Variants in ANKRD30B observed in about 807,000 individuals in gnomAD.
ANKRD30B encodes ankyrin repeat domain 30B, also known as ankyrin repeat domain-containing protein 30B.
A neutral mutation model predicts 202.2 loss-of-function variants in ANKRD30B; 144 were observed. The ratio of observed to expected loss-of-function variants is 0.71; its 90% confidence interval spans 0.62 to 0.82. ANKRD30B has a LOEUF of 0.82. ANKRD30B is among the 40% of genes least tolerant of loss of function. ANKRD30B has a pLI of 0.00. For missense variants in ANKRD30B, 1,487 were observed against 1,669.1 expected (o/e 0.89, Z 1.90); for synonymous variants, 508 against 561.3 (o/e 0.91, Z 1.34).
chr18:14,882,182 G>T, the ANKRD30B span, among the ~76,000 whole-genome samples: 1 of 151,960 alleles, frequency 6.6e-6, no homozygotes, highest in Non-Finnish European at 1.5e-5. Context: ...TGCTTCTCTG[G>T]TTCCCTGAGA....
the ANKRD30B span, among the ~76,000 whole-genome samples, chr18:14,938,105 C>T: frequency 2.0e-5 from 3 of 152,198 alleles, no homozygotes; most frequent in Admixed American, 6.5e-5. Context: ...CCTCTCCCTA[C>T]ATGCCTTCCC....
At chr18:14,773,823 T>G (rs1458185647) in intron 9 of ANKRD30B, among the ~76,000 whole-genome samples, 1 of 152,132 alleles carries the variant, frequency 6.6e-6, no homozygotes, top group African/African-American at 2.4e-5. Flanking sequence ...GCACAGTTAA[T>G]TTTTGTAATT....
chr18:14,763,671 T>G lies in ANKRD30B; in HGVS notation c.821-15T>G, dbSNP rs1915614022. On this transcript the variant is annotated splice_polypyrimidine_tract_variant and intron_variant, in intron 6 of 43. Coordinates refer to ENST00000690538, the MANE Select transcript of ANKRD30B (RefSeq NM_001367607.2). ...TAAGCAGAAAGAAAATTTAACCAGATTGTGTGTTTGGCAGAAGGAACATCT... is the reference window on the plus strand; with the variant it reads ...TAAGCAGAAAGAAAATTTAACCAGAGTGTGTGTTTGGCAGAAGGAACATCT... The G allele has an allele frequency of 5.6e-6, 9 of 1,612,292 alleles. No homozygotes were observed. In the South Asian group the frequency reaches 8.8e-5, roughly 16 times the overall value.
chr18:14,907,497 A>C, the ANKRD30B span, among the ~76,000 whole-genome samples: 1 of 152,208 alleles, frequency 6.6e-6, no homozygotes, highest in Admixed American at 6.5e-5. Flanking sequence ...TGAGCATCCC[A>C]GGGAGAGGGC....
intron 9 of ANKRD30B, 71 bp from the exon 10 acceptor site, chr18:14,777,914 C>A: frequency 9.3e-7 from 1 of 1,073,938 alleles, no homozygotes; most frequent in Non-Finnish European, 1.4e-6. Context: ...CTGAGCCACC[C>A]TGTGAGACTT....
intron 16 of ANKRD30B, among the ~76,000 whole-genome samples, chr18:14,793,855 C>A (rs140550905): frequency 2.0e-5 from 3 of 151,816 alleles, no homozygotes; most frequent in African/African-American, 7.3e-5. Context: ...GATCTCAACA[C>A]TGCACTCCAG....
the ANKRD30B span, among the ~76,000 whole-genome samples, chr18:14,881,230 A>G: frequency 2.9e-4 from 44 of 152,140 alleles, no homozygotes; most frequent in African/African-American, 9.7e-4. Flanking sequence ...TTTGTCCTAG[A>G]TGGCTTTTAT....
At chr18:14,888,130 A>G in the ANKRD30B span, among the ~76,000 whole-genome samples, 4 of 152,062 alleles carry the variant, frequency 2.6e-5, no homozygotes, top group Admixed American at 6.6e-5. Flanking sequence ...TAAATTATCT[A>G]TTTTATTGAC....
intron 5 of ANKRD30B, among the ~76,000 whole-genome samples, chr18:14,759,698 A>T (rs1308049450): frequency 1.3e-5 from 2 of 152,188 alleles, no homozygotes; most frequent in Non-Finnish European, 2.9e-5. Context: ...GTGATTGATG[A>T]GGTCGGTAAT....
the ANKRD30B span, among the ~76,000 whole-genome samples, chr18:14,920,286 T>C: frequency 6.6e-6 from 1 of 152,254 alleles, no homozygotes; most frequent in African/African-American, 2.4e-5. Flanking sequence ...GCTTGGCTTC[T>C]TGACGCTCAA....
At chr18:14,795,198 G>T (rs1968792463) in intron 16 of ANKRD30B, among the ~76,000 whole-genome samples, 1 of 152,168 alleles carries the variant, frequency 6.6e-6, no homozygotes, top group South Asian at 2.1e-4. Context: ...TTCATATCAG[G>T]TGTTTTTTCT....
At chr18:14,919,247 A>T in the ANKRD30B span, among the ~76,000 whole-genome samples, 2 of 152,246 alleles carry the variant, frequency 1.3e-5, no homozygotes, top group East Asian at 3.9e-4. Flanking sequence ...CTTGAAACAC[A>T]CATTGTAAAA....
the ANKRD30B span, among the ~76,000 whole-genome samples, chr18:14,936,225 G>A: frequency 1.3e-5 from 2 of 152,174 alleles, no homozygotes; most frequent in Non-Finnish European, 2.9e-5. Flanking sequence ...TCAAAAAGTC[G>A]ACACTGTGAA....
At chr18:14,929,170 A>G in the ANKRD30B span, among the ~76,000 whole-genome samples, 2 of 152,286 alleles carry the variant, frequency 1.3e-5, no homozygotes, top group East Asian at 3.9e-4. Context: ...CTTGTTTCTT[A>G]GAGGAGTCGT....
chr18:14,761,162 C>T (rs1469383866), intron 6 of ANKRD30B, among the ~76,000 whole-genome samples: 1 of 152,138 alleles, frequency 6.6e-6, no homozygotes, highest in Admixed American at 6.5e-5. Flanking sequence ...GAATTAATAA[C>T]AGAAAACTGT....
At chr18:14,856,312 AG>A (rs1452542509), downstream of ANKRD30B, among the ~76,000 whole-genome samples, 3 of 75,952 alleles carry the variant, frequency 3.9e-5, no homozygotes, top group South Asian at 5.1e-4. Flanking sequence ...GATGGGGTGG[AG>A]GTCAGGCAGA....
At chr18:14,929,682 T>A in the ANKRD30B span, among the ~76,000 whole-genome samples, 1 of 152,076 alleles carries the variant, frequency 6.6e-6, no homozygotes, top group Non-Finnish European at 1.5e-5. Context: ...TGTTTCTAGG[T>A]TCTAGGGAAA....
Position 14,797,644 on chromosome 18 carries a change from T to C in ANKRD30B, c.1928-17T>C. The stretch of plus-strand genomic sequence containing the variant: ...AGGCTTGCATATAATCAATTATAAA[T>C]GTCCCTTTTCTTTTAGAGTCTCCTG... On this transcript the variant is annotated splice_polypyrimidine_tract_variant and intron_variant, in intron 18 of 43. Transcript: ENST00000690538. The C allele has an allele frequency of 6.2e-7, 1 of 1,603,164 alleles. No homozygotes were observed. Among genetic ancestry groups the C allele is most frequent in the African/African-American group, 1.3e-5 (1 of 74,804 alleles).
intron 6 of ANKRD30B, among the ~76,000 whole-genome samples, chr18:14,761,398 CA>C (rs1915237788): frequency 6.6e-6 from 1 of 152,222 alleles, no homozygotes; most frequent in Non-Finnish European, 1.5e-5. Context: ...TTTGAGTCAA[CA>C]TACCTGTGGG....
Sources: gnomAD v4.1 joint callset for allele counts (sites outside exome capture counted in the v4.1 genomes callset) on GRCh38, gnomAD v4.1.1 for gene constraint, MANE v1.5 for transcripts, NCBI Gene and HGNC (gene_info 2026-07-23, HGNC 2026-07-21) for gene names.